POC1A: variants seen among roughly 807,000 people sequenced by gnomAD.
The protein encoded by POC1A is POC1 centriolar protein homolog A.
A neutral mutation model predicts 47.8 loss-of-function variants in POC1A; 34 were observed. That is an observed-to-expected ratio of 0.71 (90% CI 0.54 to 0.95). The LOEUF (loss-of-function observed/expected upper bound fraction) is 0.95. Ranked by LOEUF, POC1A falls within the 40% of genes least tolerant of loss-of-function variation. The pLI is 0.00. For synonymous variants in POC1A, 177 were observed against 207.6 expected (o/e 0.85, Z 1.27); for missense variants, 466 against 528.3 (o/e 0.88, Z 1.16).
In POC1A at chr3:52,149,295, C is replaced by T. The variant is rs866964603; in HGVS notation, c.370G>A (p.Asp124Asn). The change falls in exon 4 of 11, where the codon GAC becomes AAC. Residue 124 changes from aspartate to asparagine, a missense_variant. Coordinates refer to ENST00000296484, the MANE Select transcript of POC1A (RefSeq NM_015426.5). ...DGQSFVTASD[D>N]KTVKVWATHR... Reference sequence around the variant, plus strand: ...GTTGCCCACACTTTGACTGTCTTGTCGTCAGAGGCTGTCACGAAGGACTGG... The same window carrying T: ...GTTGCCCACACTTTGACTGTCTTGTTGTCAGAGGCTGTCACGAAGGACTGG... 2.5e-6 allele frequency: 4 copies of T among 1,614,018 alleles called. No homozygotes were observed. Among genetic ancestry groups the T allele is most frequent in the African/African-American group, 2.7e-5 (2 of 74,912 alleles).
chr3:52,106,502 T>A (rs1396712819), intron 9 of POC1A, among the ~76,000 whole-genome samples: 1 of 152,126 alleles, frequency 6.6e-6, no homozygotes, highest in Admixed American at 6.5e-5. Flanking sequence ...TTGCAAGAGA[T>A]CCTATTTCTA....
chr3:52,147,275 G>A (rs1028579319), intron 4 of POC1A, among the ~76,000 whole-genome samples, 180 bp from the exon 5 acceptor site: 12 of 151,718 alleles, frequency 7.9e-5, no homozygotes, highest in African/African-American at 2.9e-4. Flanking sequence ...TGTCTTTTCA[G>A]GAACAAATGC....
chr3:52,150,446 A>G (rs988651218), intron 2 of POC1A, among the ~76,000 whole-genome samples: 5 of 152,146 alleles, frequency 3.3e-5, no homozygotes, highest in African/African-American at 9.7e-5. Flanking sequence ...ACCTTTACAC[A>G]TCAGAGGGTC....
rs1702209770 is a variant in POC1A at position 52,079,202 on chromosome 3, T to G, written c.1126-3217A>C. Among the ~76,000 whole-genome samples, 1 of 152,258 alleles carries G rather than the reference T, an allele frequency of 6.6e-6. No individual in the cohort carries two copies. Among genetic ancestry groups the G allele is most frequent in the Non-Finnish European group, 1.5e-5 (1 of 68,042 alleles). On this transcript the variant is annotated intron_variant, in intron 10 of 10. Transcript: ENST00000296484. This position sits in a 1 kb window ranked among gnomAD's most constrained non-coding sequence, Gnocchi z 4.6. ...AACAAAAAGTAAGCACATCCCCACA[T>G]ACCCATACGAGGGTTCAGAAAATAC...
At chr3:52,126,788 T>G (rs981422962) in intron 7 of POC1A, among the ~76,000 whole-genome samples, 2 of 152,198 alleles carry the variant, frequency 1.3e-5, no homozygotes, top group Non-Finnish European at 2.9e-5. Flanking sequence ...CATCCTTTTA[T>G]AAGAAACCCA....
At chr3:52,078,952 G>C (rs936898681) in intron 10 of POC1A, among the ~76,000 whole-genome samples, 30 of 152,358 alleles carry the variant, frequency 2.0e-4, no homozygotes, top group African/African-American at 7.0e-4. Context: ...AGGGCTGGCA[G>C]GCCACCTGCA....
intron 6 of POC1A, among the ~76,000 whole-genome samples, chr3:52,144,476 G>A (rs1698302307): frequency 1.3e-5 from 2 of 152,280 alleles, no homozygotes; most frequent in South Asian, 4.1e-4. Context: ...TGGTGGTGCT[G>A]TAGGGTACTA....
intron 10 of POC1A, among the ~76,000 whole-genome samples, chr3:52,085,385 C>T (rs527563174): frequency 3.3e-4 from 51 of 152,350 alleles, no homozygotes; most frequent in Admixed American, 7.2e-4. Flanking sequence ...GGACACCCTT[C>T]ACCCTCTGCC....
chr3:52,087,807 A>G (rs1702510715), intron 10 of POC1A, among the ~76,000 whole-genome samples: 1 of 152,144 alleles, frequency 6.6e-6, no homozygotes, highest in African/African-American at 2.4e-5. Flanking sequence ...CAAAGGGAGG[A>G]CCTGAGCCAC....
At chr3:52,083,947 G>T (rs1379307824) in intron 10 of POC1A, among the ~76,000 whole-genome samples, 1 of 152,236 alleles carries the variant, frequency 6.6e-6, no homozygotes, top group African/African-American at 2.4e-5. Context: ...TCAAGTGGTT[G>T]AGCAGGGAAG....
rs563114036 is a variant in POC1A at position 52,107,382 on chromosome 3, G to C, written c.982-10670C>G. On this transcript the variant is annotated intron_variant, in intron 9 of 10. Transcript: ENST00000296484. ...TGGGCCAGGCCCACACTCCTGCTGA[G>C]TCTGTTCTGGAGTTCCTGGAGCAGA... 7.7e-4 allele frequency among the ~76,000 whole-genome samples: 117 copies of C among 152,368 alleles called. No homozygotes were observed. The Middle Eastern group carries it at 0.014, about 18-fold the overall frequency.
chr3:52,106,463 C>T (rs1703188526), intron 9 of POC1A, among the ~76,000 whole-genome samples: 1 of 152,152 alleles, frequency 6.6e-6, no homozygotes, highest in African/African-American at 2.4e-5. Flanking sequence ...TTGGAGGCTG[C>T]ACTGAGCTAT....
chr3:52,105,532 C>T (rs897845538), intron 9 of POC1A, among the ~76,000 whole-genome samples: 1 of 152,236 alleles, frequency 6.6e-6, no homozygotes, highest in Admixed American at 6.5e-5. Flanking sequence ...TCACGTCCAT[C>T]TTCTCAAGAG....
chr3:52,099,900 A>G (rs2106988172), intron 9 of POC1A, among the ~76,000 whole-genome samples: 1 of 152,314 alleles, frequency 6.6e-6, no homozygotes, highest in South Asian at 2.1e-4. Flanking sequence ...TAATCCACAC[A>G]TATACTCGTA....
chr3:52,088,170 C>G (rs552391278), intron 10 of POC1A, among the ~76,000 whole-genome samples: 7 of 152,224 alleles, frequency 4.6e-5, no homozygotes, highest in Non-Finnish European at 1.0e-4. Context: ...TATAGCCTGG[C>G]GAGTCGGGCT....
intron 9 of POC1A, among the ~76,000 whole-genome samples, chr3:52,110,578 C>T (rs2107037618): frequency 6.6e-6 from 1 of 152,394 alleles, no homozygotes; most frequent in East Asian, 1.9e-4. Flanking sequence ...ACCCTCTCTG[C>T]TTTGCAGCAA....
chr3:52,109,676 G>A (rs1703313897), intron 9 of POC1A, among the ~76,000 whole-genome samples: 2 of 152,124 alleles, frequency 1.3e-5, no homozygotes, highest in African/African-American at 4.8e-5. Context: ...CTTTAGCACT[G>A]CCACAGAGAA....
At chr3:52,145,997 T>A in intron 5 of POC1A, 36 bp from the exon 6 acceptor site, 1 of 1,311,730 alleles carries the variant, frequency 7.6e-7, no homozygotes, top group Non-Finnish European at 1.1e-6. Flanking sequence ...CTATAGGAGG[T>A]CTGCCCTGGT....
Position 52,090,279 on chromosome 3 carries a change from G to A in POC1A, c.1125+6290C>T, listed in dbSNP as rs1227628210. Among the ~76,000 whole-genome samples the A allele has an allele frequency of 6.6e-6, 1 of 152,216 alleles. No homozygotes were observed. Among genetic ancestry groups the A allele is most frequent in the African/African-American group, 2.4e-5 (1 of 41,450 alleles). ...ACTGGGTGCCATAAAAAAACAGTTG[G>A]AGCAGGAATTTCATGGCTCGGTATT... On this transcript the variant is annotated intron_variant, in intron 10 of 10. Transcript: ENST00000296484. This position sits in a 1 kb window ranked among gnomAD's most constrained non-coding sequence, Gnocchi z 4.2.
Sources: gnomAD v4.1 joint callset for allele counts (sites outside exome capture counted in the v4.1 genomes callset) on GRCh38, gnomAD v4.1.1 for gene constraint, Gnocchi (gnomAD v3.1) non-coding constraint, MANE v1.5 for transcripts, NCBI Gene and HGNC (gene_info 2026-07-23, HGNC 2026-07-21) for gene names.